Variants in BLTP1 observed in about 807,000 individuals in gnomAD.
BLTP1 encodes the protein fragile site-associated protein.
At chr4:122,327,090 CAT>C in the BLTP1 span, among the ~76,000 whole-genome samples, 1 of 115,150 alleles carries the variant, frequency 8.7e-6, no homozygotes, top group Non-Finnish European at 1.9e-5. Context: ...AAAATTAGGT[CAT>C]AGGGGGGTGT....
the BLTP1 span, among the ~76,000 whole-genome samples, chr4:122,265,435 C>G: frequency 6.6e-6 from 1 of 151,776 alleles, no homozygotes; most frequent in Non-Finnish European, 1.5e-5. Context: ...TTGGTTGAGT[C>G]CTTGGATGCA....
the BLTP1 span, chr4:122,249,499 G>A: frequency 1.9e-6 from 3 of 1,613,160 alleles, no homozygotes; most frequent in Non-Finnish European, 1.7e-6. Context: ...TGGGACCTGT[G>A]CAATCACTGC....
chr4:122,186,027 T>A, the BLTP1 span: 2 of 1,527,178 alleles, frequency 1.3e-6, no homozygotes, highest in Non-Finnish European at 1.8e-6. Context: ...TTGTAATTGG[T>A]GTCTTTAGAT....
At chr4:122,360,172 C>A in the BLTP1 span, 1 of 395,132 alleles carries the variant, frequency 2.5e-6, no homozygotes, top group Non-Finnish European at 3.4e-6. Flanking sequence ...AAACCTGCAG[C>A]ATCACAGTGC....
the BLTP1 span, chr4:122,227,809 C>T: frequency 6.6e-6 from 1 of 151,408 alleles, no homozygotes; most frequent in South Asian, 2.1e-4. Flanking sequence ...TCCTTAGTCA[C>T]AGGTCAGGGA....
the BLTP1 span, among the ~76,000 whole-genome samples, chr4:122,192,963 G>A: frequency 6.6e-6 from 1 of 152,144 alleles, no homozygotes; most frequent in African/African-American, 2.4e-5. Context: ...ACAAGGTGGT[G>A]GCATGATTGG....
the BLTP1 span, chr4:122,161,017 T>A: frequency 3.9e-6 from 1 of 258,292 alleles, no homozygotes; most frequent in Non-Finnish European, 6.1e-6. Context: ...AGTACATAAT[T>A]CACAGAATTT....
At chr4:122,277,375 G>A in the BLTP1 span, 1 of 837,302 alleles carries the variant, frequency 1.2e-6, no homozygotes, top group Non-Finnish European at 1.4e-6. Context: ...GTGTGTATGT[G>A]TCAAACACTA....
the BLTP1 span, among the ~76,000 whole-genome samples, chr4:122,327,292 G>T: frequency 6.6e-6 from 1 of 151,516 alleles, no homozygotes; most frequent in Non-Finnish European, 1.5e-5. Flanking sequence ...TATAAATGGT[G>T]CAATATTTGC....
the BLTP1 span, chr4:122,302,279 T>A: frequency 1.5e-5 from 15 of 979,760 alleles, no homozygotes; most frequent in South Asian, 6.6e-4. Context: ...ATCAGTTCAT[T>A]AGACATATCC....
the BLTP1 span, among the ~76,000 whole-genome samples, chr4:122,320,989 CTTT>C: frequency 1.6e-5 from 2 of 122,966 alleles, no homozygotes; most frequent in Non-Finnish European, 1.8e-5. Flanking sequence ...TTTTTCTTTT[CTTT>C]TTTTTTTTTT....
the BLTP1 span, chr4:122,336,171 T>C: frequency 2.6e-6 from 4 of 1,548,810 alleles, no homozygotes; most frequent in South Asian, 4.9e-5. Flanking sequence ...ATCCATTAAA[T>C]GGAATTTATA....
the BLTP1 span, among the ~76,000 whole-genome samples, chr4:122,280,662 T>TAA: frequency 2.2e-4 from 18 of 83,002 alleles, no homozygotes; most frequent in South Asian, 4.5e-4. Context: ...AAATTCCATC[T>TAA]AAAAAAAAAA....
the BLTP1 span, chr4:122,334,259 G>T: frequency 8.0e-7 from 1 of 1,255,412 alleles, no homozygotes; most frequent in Non-Finnish European, 1.1e-6. Context: ...GACTTCCAAT[G>T]TTCTTTCTAC....
the BLTP1 span, chr4:122,251,006 C>T: frequency 3.0e-6 from 3 of 985,070 alleles, no homozygotes; most frequent in Non-Finnish European, 3.6e-6. Flanking sequence ...TTATATTCAA[C>T]TCACTTTTTA....
the BLTP1 span, chr4:122,312,962 T>G: frequency 1.3e-6 from 1 of 758,960 alleles, no homozygotes; most frequent in Non-Finnish European, 1.6e-6. Flanking sequence ...TTACTTTGTT[T>G]AAAAGTTGTT....
the BLTP1 span, chr4:122,189,936 G>C: frequency 6.4e-7 from 1 of 1,573,110 alleles, no homozygotes; most frequent in Non-Finnish European, 8.6e-7. Flanking sequence ...GCATTAACTA[G>C]GATACTGAAC....
chr4:122,357,107 A>C, the BLTP1 span: 2 of 856,690 alleles, frequency 2.3e-6, no homozygotes, highest in Non-Finnish European at 2.8e-6. Flanking sequence ...TGAGTTATTT[A>C]CCTAATTGTG....
the BLTP1 span, among the ~76,000 whole-genome samples, chr4:122,283,885 A>G: frequency 6.6e-6 from 1 of 152,202 alleles, no homozygotes; most frequent in Non-Finnish European, 1.5e-5. Flanking sequence ...AATTGAATCT[A>G]TAGATTTATT....
Sources: allele counts gnomAD v4.1 joint callset (sites outside exome capture counted in the v4.1 genomes callset), GRCh38; gene constraint gnomAD v4.1.1; transcripts MANE v1.5; gene names NCBI Gene and HGNC (gene_info 2026-07-23, HGNC 2026-07-21).